Variants in DLG2 observed in about 807,000 individuals in gnomAD.
DLG2 encodes the protein discs large MAGUK scaffold protein 2.
A neutral mutation model predicts 132.5 loss-of-function variants in DLG2; 45 were observed. That is an observed-to-expected ratio of 0.34 (90% CI 0.27 to 0.44). DLG2 has a LOEUF of 0.44. Among genes scored for constraint, DLG2 ranks in the 20% least tolerant of loss-of-function variants. The probability of loss-of-function intolerance (pLI) is 1.00; values close to 1 mark genes in which losing one functional copy is unlikely to be tolerated. For synonymous variants in DLG2, 424 were observed against 419.6 expected (o/e 1.01, Z -0.13); for missense variants, 1,045 against 1,196.9 (o/e 0.87, Z 1.87).
chr11:84,406,107 T>G (rs1203520522), intron 7 of DLG2, among the ~76,000 whole-genome samples: 1 of 151,980 alleles, frequency 6.6e-6, no homozygotes, highest in Non-Finnish European at 1.5e-5. Context: ...GTCTGAAAAC[T>G]CCCCATTTAT....
At chr11:84,035,565 G>C (rs564513676) in intron 11 of DLG2, among the ~76,000 whole-genome samples, 1 of 152,310 alleles carries the variant, frequency 6.6e-6, no homozygotes, top group South Asian at 2.1e-4. Context: ...CATGGGCAAG[G>C]GGAAATTGAT....
At chr11:84,827,014 T>G (rs1436588446) in intron 6 of DLG2, among the ~76,000 whole-genome samples, 2 of 151,730 alleles carry the variant, frequency 1.3e-5, no homozygotes, top group African/African-American at 2.4e-5. Flanking sequence ...AAAACTCAAT[T>G]TTTTTACTAT....
chr11:83,602,744 G>GA (rs1289241925), intron 19 of DLG2, among the ~76,000 whole-genome samples: 4 of 152,108 alleles, frequency 2.6e-5, no homozygotes, highest in African/African-American at 9.7e-5. Context: ...GTGAAGAACA[G>GA]AAAAAATGAA....
In DLG2 at chr11:84,299,513, G is replaced by T. The variant is rs527883891; in HGVS notation, c.520-48222C>A. Among the ~76,000 whole-genome samples, 3 of 152,260 alleles carry T rather than the reference G, an allele frequency of 2.0e-5. No individual in the cohort carries two copies. The East Asian group carries it at 5.8e-4, about 29-fold the overall frequency. ...CTAGGAATAGAAATGTAATGGATCT[G>T]GTGATGACTTCCTGATTTCTGACTT... On this transcript the variant is annotated intron_variant, in intron 7 of 27. Coordinates refer to ENST00000376104, the MANE Select transcript of DLG2 (RefSeq NM_001142699.3).
intron 19 of DLG2, among the ~76,000 whole-genome samples, chr11:83,616,952 T>G (rs959905844): frequency 2.0e-5 from 3 of 152,192 alleles, no homozygotes; most frequent in Non-Finnish European, 4.4e-5. Context: ...ATCAAGAGGT[T>G]GTATGTGTGT....
intron 16 of DLG2, among the ~76,000 whole-genome samples, chr11:83,838,731 G>C (rs867455982): frequency 2.0e-5 from 3 of 151,568 alleles, no homozygotes; most frequent in Non-Finnish European, 4.4e-5. Flanking sequence ...CTTTAGAAGG[G>C]TCATTCATGC....
rs563709053 is a variant in DLG2, at chr11:83,847,006, A to G, written c.1566-13236T>C. 1.3e-4 allele frequency among the ~76,000 whole-genome samples: 20 copies of G among 151,290 alleles called. No homozygotes were observed. In the South Asian group the frequency reaches 4.2e-3, roughly 32 times the overall value. The stretch of plus-strand genomic sequence containing the variant: ...TTATTTCATAATGTTTTGGTTGCCA[A>G]CTTATTTTTTAAGTTATATATACTA... On this transcript the variant is annotated intron_variant, in intron 16 of 27. Transcript: ENST00000376104.
chr11:84,582,493 CATACATATATATAAA>C (rs1001029557), intron 6 of DLG2, among the ~76,000 whole-genome samples: 1 of 148,082 alleles, frequency 6.8e-6, no homozygotes, highest in African/African-American at 2.5e-5. Context: ...AATAAACATA[CATACATATATATAAA>C]ATACATATAT....
intron 7 of DLG2, among the ~76,000 whole-genome samples, chr11:84,337,780 A>T (rs925373626): frequency 6.6e-6 from 1 of 152,198 alleles, no homozygotes; most frequent in African/African-American, 2.4e-5. Flanking sequence ...ATAAGAATTT[A>T]TTAGGCAGAA....
intron 3 of DLG2, among the ~76,000 whole-genome samples, chr11:85,502,070 A>C (rs1462639946): frequency 3.3e-5 from 5 of 152,204 alleles, no homozygotes; most frequent in Non-Finnish European, 7.3e-5. Flanking sequence ...CATATACTCC[A>C]TGGAATACTA....
chr11:85,117,845 G>A (rs557011285), intron 5 of DLG2, among the ~76,000 whole-genome samples: 1 of 152,068 alleles, frequency 6.6e-6, no homozygotes, highest in African/African-American at 2.4e-5. Context: ...TTAAGTGATT[G>A]TAGGACTTTT....
At chr11:84,236,633 T>C (rs1197919315) in intron 8 of DLG2, among the ~76,000 whole-genome samples, 1 of 152,236 alleles carries the variant, frequency 6.6e-6, no homozygotes, top group African/African-American at 2.4e-5. Flanking sequence ...TGAGGGCATG[T>C]GCCTTGCATA....
At chr11:84,972,327 T>C (rs1317794500) in intron 6 of DLG2, among the ~76,000 whole-genome samples, 3 of 152,058 alleles carry the variant, frequency 2.0e-5, no homozygotes, top group Non-Finnish European at 1.5e-5. Context: ...AAAAACTGAG[T>C]CTTTTAATCT....
At chr11:84,286,781 T>C (rs1387716047) in intron 7 of DLG2, among the ~76,000 whole-genome samples, 2 of 152,162 alleles carry the variant, frequency 1.3e-5, no homozygotes, top group African/African-American at 4.8e-5. Flanking sequence ...GAGATGCCCC[T>C]GAGCCATGGA....
intron 3 of DLG2, among the ~76,000 whole-genome samples, chr11:85,484,531 A>G (rs2093381888): frequency 6.6e-6 from 1 of 151,692 alleles, no homozygotes; most frequent in African/African-American, 2.4e-5. Context: ...CCCATCAAAA[A>G]GTGGGCGAAG....
chr11:83,862,763 C>T (rs192042190), intron 16 of DLG2, among the ~76,000 whole-genome samples: 206 of 152,198 alleles, frequency 1.4e-3, no homozygotes, highest in Non-Finnish European at 2.4e-3. Flanking sequence ...GACTAGTTGG[C>T]TTATCTCCCT....
intron 10 of DLG2, among the ~76,000 whole-genome samples, chr11:84,097,090 C>A (rs2097175209): frequency 6.6e-6 from 1 of 152,128 alleles, no homozygotes; most frequent in South Asian, 2.1e-4. Flanking sequence ...CATTTCGCTC[C>A]TTAAGTCACA....
chr11:84,380,723 A>T (rs2098746415), intron 7 of DLG2, among the ~76,000 whole-genome samples: 1 of 152,004 alleles, frequency 6.6e-6, no homozygotes, highest in Admixed American at 6.6e-5. Flanking sequence ...AAACAGAACA[A>T]ATATTTCAAA....
chr11:84,458,571 G>A (rs1369513566), intron 7 of DLG2, among the ~76,000 whole-genome samples: 2 of 150,746 alleles, frequency 1.3e-5, no homozygotes, highest in East Asian at 3.9e-4. Context: ...TGTTTAGGAT[G>A]TTGGTGATTT....
Sources: gnomAD v4.1 joint callset for allele counts (sites outside exome capture counted in the v4.1 genomes callset) on GRCh38, gnomAD v4.1.1 for gene constraint, MANE v1.5 for transcripts, NCBI Gene and HGNC (gene_info 2026-07-23, HGNC 2026-07-21) for gene names.